Variants in CCDC171 observed in about 807,000 individuals in gnomAD.
CCDC171 encodes the protein coiled-coil domain-containing protein 171.
CCDC171 carries 177 observed loss-of-function variants against 168.2 expected under a neutral mutation model. The ratio of observed to expected loss-of-function variants is 1.05; its 90% CI spans 0.93 to 1.19. The LOEUF is 1.19. Ranked by LOEUF, CCDC171 falls within the 50% of genes most tolerant of loss-of-function variation. The pLI, the probability that CCDC171 is intolerant of heterozygous loss-of-function variation, is 0.00. For missense variants in CCDC171, 1,991 were observed against 1,539.0 expected (o/e 1.29, Z -4.91); for synonymous variants, 687 against 540.8 (o/e 1.27, Z -3.75).
intron 24 of CCDC171, among the ~76,000 whole-genome samples, chr9:15,891,595 C>A (rs1820228766): frequency 6.6e-6 from 1 of 152,038 alleles, no homozygotes; most frequent in Admixed American, 6.6e-5. Context: ...TATTAAGCCC[C>A]AAATATCTTT....
At chr9:15,882,496 T>G (rs1196160276) in intron 24 of CCDC171, among the ~76,000 whole-genome samples, 2 of 152,192 alleles carry the variant, frequency 1.3e-5, no homozygotes, top group Non-Finnish European at 2.9e-5. Context: ...TTTAAAGTCT[T>G]AAAAAGAAAA....
chr9:16,017,553 C>T (rs1833056677), intron 3 of CCDC171, among the ~76,000 whole-genome samples: 1 of 151,894 alleles, frequency 6.6e-6, no homozygotes, highest in Admixed American at 6.6e-5. Flanking sequence ...AATAAACTTT[C>T]AAAGTTCTTA....
At chr9:15,666,884 C>T (rs911418261) in intron 9 of CCDC171, among the ~76,000 whole-genome samples, 4 of 152,140 alleles carry the variant, frequency 2.6e-5, no homozygotes, top group African/African-American at 9.7e-5. Context: ...ATAATAATAG[C>T]AGTAACACTA....
chr9:15,718,396 G>A (rs1588124864), intron 11 of CCDC171, among the ~76,000 whole-genome samples: 1 of 152,240 alleles, frequency 6.6e-6, no homozygotes, highest in Admixed American at 6.5e-5. Flanking sequence ...GGACCTGGGG[G>A]AGCTTGCCAT....
At chr9:15,745,252 G>A (rs2055188065) in intron 17 of CCDC171, among the ~76,000 whole-genome samples, 1 of 152,106 alleles carries the variant, frequency 6.6e-6, no homozygotes, top group Non-Finnish European at 1.5e-5. Flanking sequence ...GAAACAATTT[G>A]TTTTAATTTT....
chr9:15,601,824 A>T (rs987564935), intron 6 of CCDC171, among the ~76,000 whole-genome samples: 2 of 152,186 alleles, frequency 1.3e-5, no homozygotes, highest in Non-Finnish European at 2.9e-5. Context: ...TAGCTCTTTT[A>T]TTTCTAAACA....
chr9:16,039,171 G>C (rs1316205086), upstream of CCDC171, among the ~76,000 whole-genome samples: 1 of 152,142 alleles, frequency 6.6e-6, no homozygotes, highest in Non-Finnish European at 1.5e-5. Context: ...AGCTCAATGA[G>C]GTTCAGGGTC....
chr9:15,922,053 C>A, intron 25 of CCDC171: 1 of 219,722 alleles, frequency 4.6e-6, no homozygotes, highest in Non-Finnish European at 1.0e-5. Context: ...TAATATACTT[C>A]ACAATCATAC....
In CCDC171 at chr9:15,695,387, C is replaced by G. The variant is rs1195356543; in HGVS notation, c.1318+50C>G. On this transcript the variant is annotated intron_variant, in intron 11 of 25. Transcript: ENST00000380701. The stretch of plus-strand genomic sequence containing the variant: ...GATGCATCTGTCAATGTTCCAAAGT[C>G]ACTACATTTTGGGAATTCTGCAGAT... 7 of 1,406,624 alleles carry G rather than the reference C, an allele frequency of 5.0e-6. 1 individual carries two copies. In the Admixed American group the frequency reaches 5.0e-5, roughly 10 times the overall value. 87.1% of individuals were successfully genotyped at this position (1,406,624 alleles called of 1,614,324 possible).
intron 21 of CCDC171, among the ~76,000 whole-genome samples, chr9:15,812,875 G>T (rs1390661893): frequency 6.6e-6 from 1 of 152,164 alleles, no homozygotes; most frequent in East Asian, 1.9e-4. Flanking sequence ...TTGAGCATGG[G>T]TTTAAATTAT....
chr9:15,623,018 AT>A (rs1288393004), intron 6 of CCDC171, among the ~76,000 whole-genome samples: 1 of 152,244 alleles, frequency 6.6e-6, no homozygotes, highest in Non-Finnish European at 1.5e-5. Flanking sequence ...TAACTTTCTC[AT>A]ATGCTATAAC....
At chr9:15,875,878 T>TG (rs1485974982) in intron 24 of CCDC171, 3 of 152,060 alleles carry the variant, frequency 2.0e-5, no homozygotes, top group Non-Finnish European at 2.9e-5. Flanking sequence ...TAGGGTAGAT[T>TG]GCTGTACTGT....
intron 6 of CCDC171, among the ~76,000 whole-genome samples, chr9:15,594,768 C>A (rs1164981479): frequency 2.0e-5 from 3 of 152,052 alleles, no homozygotes; most frequent in Non-Finnish European, 4.4e-5. Context: ...CTCCAGTGTA[C>A]TTTGCATTTT....
At chr9:15,850,970 T>C (rs555794495) in intron 23 of CCDC171, among the ~76,000 whole-genome samples, 2 of 152,138 alleles carry the variant, frequency 1.3e-5, no homozygotes, top group East Asian at 3.9e-4. Context: ...ACGTGTGTTT[T>C]CAAGGTTTGT....
intron 1 of CCDC171, among the ~76,000 whole-genome samples, chr9:16,047,248 T>A (rs191301086): frequency 1.3e-5 from 2 of 152,250 alleles, no homozygotes; most frequent in Non-Finnish European, 2.9e-5. Flanking sequence ...CCCAGTAATC[T>A]CCCTCCAAGT....
chr9:15,628,347 G>A (rs941500721), intron 7 of CCDC171, among the ~76,000 whole-genome samples: 1 of 152,166 alleles, frequency 6.6e-6, no homozygotes, highest in African/African-American at 2.4e-5. Context: ...TTTCCGACGG[G>A]CTTAAAAAAC....
At chr9:15,733,677 T>A (rs1441630092) in intron 16 of CCDC171, among the ~76,000 whole-genome samples, 1 of 152,194 alleles carries the variant, frequency 6.6e-6, no homozygotes, top group Non-Finnish European at 1.5e-5. Context: ...ATTTAACCTT[T>A]TACTAAGTTT....
At chr9:15,832,981 C>CTTTTTTTTTTTTTTTTTTTTTTTTT (rs71325937) in intron 21 of CCDC171, among the ~76,000 whole-genome samples, 1 of 69,438 alleles carries the variant, frequency 1.4e-5, no homozygotes, top group Non-Finnish European at 2.7e-5. Context: ...TCATTATAAT[C>CTTTTTTTTTTTTTTTTTTTTTTTTT]TTTTTTTTTT....
chr9:15,596,516 G>T (rs988712191), intron 6 of CCDC171, among the ~76,000 whole-genome samples: 1 of 151,980 alleles, frequency 6.6e-6, no homozygotes, highest in South Asian at 2.1e-4. Flanking sequence ...CTCTATTTTG[G>T]TACCAGTACC....
Sources: gnomAD v4.1 joint callset for allele counts (sites outside exome capture counted in the v4.1 genomes callset) on GRCh38, gnomAD v4.1.1 for gene constraint, MANE v1.5 for transcripts, NCBI Gene and HGNC (gene_info 2026-07-23, HGNC 2026-07-21) for gene names.